NALCN: variants seen among roughly 807,000 people sequenced by gnomAD.
The protein encoded by NALCN is sodium leak channel, non-selective.
A neutral mutation model predicts 225.3 loss-of-function variants in NALCN; 111 were observed. That is an observed-to-expected ratio of 0.49 (90% CI 0.42 to 0.58). The LOEUF (loss-of-function observed/expected upper bound fraction) is 0.58. Ranked by LOEUF, NALCN falls within the 20% of genes least tolerant of loss-of-function variation. The pLI is 0.00. For synonymous variants in NALCN, 764 were observed against 769.0 expected, an observed-to-expected ratio of 0.99 and a Z score of 0.11; for missense variants, 1,378 against 2,202.4, an observed-to-expected ratio of 0.63 and a Z score of 7.49.
chr13:101,300,543 T>C (rs764562688), intron 7 of NALCN, among the ~76,000 whole-genome samples: 1 of 152,004 alleles, frequency 6.6e-6, no homozygotes, highest in Admixed American at 6.6e-5. Context: ...CTTCACCTCC[T>C]GGGTTCAACC....
chr13:101,232,285 G>A lies in NALCN; in HGVS notation c.1435-2701C>T, dbSNP rs553400403. ...ATTGTCTGCAGAATGCAAATGATATGGTTTACAGCATGTAAGTAAACCAAT... is the reference window on the plus strand; with the variant it reads ...ATTGTCTGCAGAATGCAAATGATATAGTTTACAGCATGTAAGTAAACCAAT... On this transcript the variant is annotated intron_variant, in intron 12 of 43. Transcript: ENST00000251127. Among the ~76,000 whole-genome samples, 306 of 151,898 alleles carry A rather than the reference G, an allele frequency of 2.0e-3. 1 individual carries two copies. Among genetic ancestry groups the A allele is most frequent in the African/African-American group, 6.8e-3 (281 of 41,410 alleles).
chr13:101,195,474 T>TA (rs1420037528), intron 13 of NALCN, among the ~76,000 whole-genome samples: 1 of 152,258 alleles, frequency 6.6e-6, no homozygotes. Context: ...GACATAAATT[T>TA]ACCCATGGTT....
At chr13:101,395,500 C>G in intron 2 of NALCN, 135 bp from the exon 3 acceptor site, 1 of 757,392 alleles carries the variant, frequency 1.3e-6, no homozygotes, top group Non-Finnish European at 2.0e-6. Flanking sequence ...AAGAAGAAAT[C>G]TAACACTAAG....
chr13:101,134,062 C>T (rs902049839), intron 17 of NALCN, among the ~76,000 whole-genome samples: 6 of 151,904 alleles, frequency 3.9e-5, no homozygotes, highest in African/African-American at 7.3e-5. Context: ...CCCAGCTGCT[C>T]GGGAGGCTGA....
intron 10 of NALCN, among the ~76,000 whole-genome samples, chr13:101,281,387 A>G (rs2043163216): frequency 6.6e-6 from 1 of 152,210 alleles, no homozygotes; most frequent in Non-Finnish European, 1.5e-5. Flanking sequence ...TGTCTAGCAC[A>G]TAGTTGGTAC....
At chr13:101,177,001 T>C (rs2038983955) in intron 14 of NALCN, among the ~76,000 whole-genome samples, 1 of 152,192 alleles carries the variant, frequency 6.6e-6, no homozygotes, top group Admixed American at 6.5e-5. Flanking sequence ...AAATACACTG[T>C]GTCTTTACCC....
At chr13:101,087,926 G>A (rs182080145) in intron 30 of NALCN, among the ~76,000 whole-genome samples, 1 of 152,278 alleles carries the variant, frequency 6.6e-6, no homozygotes, top group Admixed American at 6.5e-5. Flanking sequence ...AAACTCTCCT[G>A]TTAATTGACT....
At chr13:101,374,428 G>T (rs1197600333) in intron 6 of NALCN, among the ~76,000 whole-genome samples, 1 of 151,800 alleles carries the variant, frequency 6.6e-6, no homozygotes, top group Non-Finnish European at 1.5e-5. Context: ...GGCATTACAG[G>T]TGCCTGTGCC....
At chr13:101,312,111 T>G (rs1166977081) in intron 7 of NALCN, among the ~76,000 whole-genome samples, 3 of 152,218 alleles carry the variant, frequency 2.0e-5, no homozygotes, top group East Asian at 3.8e-4. Flanking sequence ...GTCGAGGAAT[T>G]TATCCATTTC....
At chr13:101,274,517 T>C (rs2042910764) in intron 10 of NALCN, among the ~76,000 whole-genome samples, 1 of 152,228 alleles carries the variant, frequency 6.6e-6, no homozygotes, top group Admixed American at 6.5e-5. Flanking sequence ...AATAATTTAA[T>C]ACCTAATAAA....
Position 101,062,026 on chromosome 13 carries a change from T to C in NALCN, c.4697A>G (p.Glu1566Gly). Residue 1566 changes from glutamate to glycine, a missense_variant, in exon 41 of 44, where the codon GAG becomes GGG. Physicochemically the swap from Glu to Gly is moderately conservative, Grantham distance 98. This residue lies in a region of NALCN where 94 missense variants were observed against 170.3 expected (regional missense o/e 0.55). Coordinates refer to ENST00000251127, the MANE Select transcript of NALCN (RefSeq NM_052867.4). Reference protein sequence around the residue: ...REQLEYTIEEEVAKQTIRMWL... With the variant: ...REQLEYTIEEGVAKQTIRMWL... Reference sequence around the variant, plus strand: ...CATGCGGATGGTCTGCTTGGCCACCTCCTCCTCTATGGTGTACTCCAGCTG... The same window carrying C: ...CATGCGGATGGTCTGCTTGGCCACCCCCTCCTCTATGGTGTACTCCAGCTG... The C allele has an allele frequency of 6.2e-7, 1 of 1,614,088 alleles. No homozygotes were observed. The highest frequency in any genetic ancestry group is 8.5e-7 in the Non-Finnish European group (1 of 1,179,986).
chr13:101,279,748 C>T lies in NALCN; in HGVS notation c.1134+4185G>A, dbSNP rs1010272130. The stretch of plus-strand genomic sequence containing the variant: ...AGGAGAATGGCGTGAACCCGGGAGG[C>T]GGAGCTTGCAGTGAGCCGAGATCCC... On this transcript the variant is annotated intron_variant, in intron 10 of 43. Coordinates refer to ENST00000251127, the MANE Select transcript of NALCN (RefSeq NM_052867.4). 8.3e-4 allele frequency among the ~76,000 whole-genome samples: 123 copies of T among 148,632 alleles called. 1 individual carries two copies. The East Asian group carries it at 0.01, about 12-fold the overall frequency.
intron 13 of NALCN, among the ~76,000 whole-genome samples, chr13:101,205,786 A>T (rs1397425250): frequency 6.6e-6 from 1 of 152,144 alleles, no homozygotes; most frequent in Non-Finnish European, 1.5e-5. Flanking sequence ...AAAATTGTAC[A>T]TGAAATTGAT....
At chr13:101,304,718 G>A (rs1426992777) in intron 7 of NALCN, among the ~76,000 whole-genome samples, 1 of 150,978 alleles carries the variant, frequency 6.6e-6, no homozygotes, top group Non-Finnish European at 1.5e-5. Context: ...GATTACAGGT[G>A]TGAGCCACCA....
intron 10 of NALCN, among the ~76,000 whole-genome samples, chr13:101,267,033 C>A (rs554525453): frequency 5.3e-5 from 8 of 152,302 alleles, no homozygotes; most frequent in African/African-American, 1.7e-4. Flanking sequence ...ATCCACATGT[C>A]CATCTCCACA....
chr13:101,171,428 C>T (rs969716504), intron 15 of NALCN, among the ~76,000 whole-genome samples: 2 of 150,524 alleles, frequency 1.3e-5, no homozygotes, highest in Non-Finnish European at 3.0e-5. Flanking sequence ...AATAGATATA[C>T]ACACACACAC....
intron 13 of NALCN, among the ~76,000 whole-genome samples, chr13:101,207,947 G>C (rs891179211): frequency 6.7e-6 from 1 of 149,330 alleles, no homozygotes; most frequent in Non-Finnish European, 1.5e-5. Flanking sequence ...TGAAGCCAGC[G>C]AGACCACGAA....
rs2139613641 is a variant in NALCN at position 101,104,134 on chromosome 13, G to GCATATTT, written c.2889+160_2889+161insAAATATG. Reference sequence around the variant, plus strand: ...CTCTTAATTTAGATTTTACATGCATGGCCCTTATTTGCATATAATGAACTA... The same window carrying GCATATTT: ...CTCTTAATTTAGATTTTACATGCATGCATATTTGCCCTTATTTGCATATAATGAACTA... On this transcript the variant is annotated intron_variant, in intron 25 of 43. Transcript: ENST00000251127. This position sits in a 1 kb window ranked among gnomAD's most constrained non-coding sequence, Gnocchi z 4.2. 6.6e-6 allele frequency among the ~76,000 whole-genome samples: 1 copy of GCATATTT among 152,138 alleles called. No homozygotes were observed. The highest frequency in any genetic ancestry group is 2.1e-4 in the South Asian group (1 of 4,812).
At chr13:101,108,150 T>A (rs9557589) in intron 20 of NALCN, among the ~76,000 whole-genome samples, 19,628 of 149,508 alleles carry the variant, frequency 0.13, 1,705 homozygotes, top group East Asian at 0.41. Flanking sequence ...ATTAAATATG[T>A]AATTTAAAGT....
Sources: allele counts gnomAD v4.1 joint callset (sites outside exome capture counted in the v4.1 genomes callset), GRCh38; gene constraint gnomAD v4.1.1; regional missense constraint gnomAD v4.1.1; non-coding constraint Gnocchi (gnomAD v3.1); transcripts MANE v1.5; gene names NCBI Gene and HGNC (gene_info 2026-07-23, HGNC 2026-07-21).